The following ATF7IP variants were observed in gnomAD, a reference collection of about 807,000 sequenced individuals.
ATF7IP encodes activating transcription factor 7-interacting protein 1.
Under a neutral mutation model 106.4 loss-of-function variants are expected in ATF7IP, and 23 were observed. The observed-to-expected ratio is 0.22, with a 90% CI of 0.16 to 0.31. The LOEUF is 0.31. ATF7IP is among the 10% of genes least tolerant of loss of function. ATF7IP has a pLI of 1.00. For missense variants in ATF7IP, 1,334 were observed against 1,524.3 expected, an observed-to-expected ratio of 0.88 and a Z score of 2.08; for synonymous variants, 542 against 539.0, an observed-to-expected ratio of 1.01 and a Z score of -0.08.
chr12:14,405,494 G>A (rs1416566939), intron 1 of ATF7IP, among the ~76,000 whole-genome samples: 1 of 127,784 alleles, frequency 7.8e-6, no homozygotes, highest in African/African-American at 2.9e-5. Context: ...GGCTCACTAT[G>A]ACCTTGACCT....
rs538396226 is a variant in ATF7IP at position 14,373,612 on chromosome 12, G to T, written c.-8+7785G>T. On this transcript the variant is annotated intron_variant, in intron 1 of 14. Coordinates refer to ENST00000261168, the MANE Select transcript of ATF7IP (RefSeq NM_018179.5). ...AATCATATGCTTAGCTAAAACTAGAGAATTTTATAAAAGAGAAATGGATAT... is the reference window on the plus strand; with the variant it reads ...AATCATATGCTTAGCTAAAACTAGATAATTTTATAAAAGAGAAATGGATAT... Among the ~76,000 whole-genome samples, 13 of 152,272 alleles carry T rather than the reference G, an allele frequency of 8.5e-5. No homozygotes were observed. In the South Asian group the frequency reaches 1.7e-3, roughly 19 times the overall value.
At chr12:14,383,773 G>A (rs975626254) in intron 1 of ATF7IP, among the ~76,000 whole-genome samples, 5 of 152,104 alleles carry the variant, frequency 3.3e-5, no homozygotes, top group African/African-American at 7.2e-5. Flanking sequence ...TGTTGGCCAC[G>A]CAGGTCTCAA....
intron 1 of ATF7IP, among the ~76,000 whole-genome samples, chr12:14,408,925 C>A (rs1296841063): frequency 6.6e-6 from 1 of 152,042 alleles, no homozygotes; most frequent in Non-Finnish European, 1.5e-5. Context: ...TAATTGTATT[C>A]TATGTGCTCA....
chr12:14,406,358 C>T (rs1198794604), intron 1 of ATF7IP, among the ~76,000 whole-genome samples: 1 of 152,086 alleles, frequency 6.6e-6, no homozygotes, highest in Non-Finnish European at 1.5e-5. Flanking sequence ...CTTAGCCTCC[C>T]AAAGTGCTGG....
rs1421932510 is a variant in ATF7IP, at chr12:14,501,102, T to TG, written c.*3030dup. ...ATTGATAGATGCTTTTTGTTTGGTTTGTTTCTTCTGGGAGAGAATGGAGGA... is the reference window on the plus strand; with the variant it reads ...ATTGATAGATGCTTTTTGTTTGGTTTGGTTTCTTCTGGGAGAGAATGGAGGA... On this transcript the variant is annotated 3_prime_UTR_variant, in exon 15 of 15. Coordinates refer to ENST00000261168, the MANE Select transcript of ATF7IP (RefSeq NM_018179.5). 3 of 152,220 alleles carry TG rather than the reference T, an allele frequency of 2.0e-5. No individual in the cohort carries two copies. Among genetic ancestry groups the TG allele is most frequent in the Non-Finnish European group, 2.9e-5 (2 of 68,018 alleles). 9.4% of individuals were successfully genotyped at this position (152,220 alleles called of 1,614,324 possible). A position where few individuals can be genotyped will look rare whatever the true frequency, so the allele number is the denominator to read the frequency against.
At chr12:14,439,392 A>T (rs917018603) in intron 5 of ATF7IP, among the ~76,000 whole-genome samples, 1 of 152,208 alleles carries the variant, frequency 6.6e-6, no homozygotes, top group African/African-American at 2.4e-5. Context: ...TCCCAGACTG[A>T]CCTATCTAAT....
At chr12:14,392,722 A>G (rs1453359707) in intron 1 of ATF7IP, among the ~76,000 whole-genome samples, 3 of 152,174 alleles carry the variant, frequency 2.0e-5, no homozygotes, top group Non-Finnish European at 2.9e-5. Context: ...GCACTACACA[A>G]AATGTGGCCT....
intron 1 of ATF7IP, among the ~76,000 whole-genome samples, chr12:14,417,396 G>C (rs1941260731): frequency 6.6e-6 from 1 of 151,938 alleles, no homozygotes; most frequent in Admixed American, 6.6e-5. Flanking sequence ...GTAATCCTTT[G>C]GGTCCAGAAT....
intron 2 of ATF7IP, among the ~76,000 whole-genome samples, chr12:14,427,953 T>C (rs1941940790): frequency 6.6e-6 from 1 of 152,144 alleles, no homozygotes. Context: ...ACCTTGGTTA[T>C]AATGCTAAAG....
At chr12:14,383,060 A>C (rs2136414622) in intron 1 of ATF7IP, among the ~76,000 whole-genome samples, 1 of 152,342 alleles carries the variant, frequency 6.6e-6, no homozygotes, top group East Asian at 1.9e-4. Flanking sequence ...CTGTTTCATC[A>C]GACACAGAAA....
At chr12:14,371,004 G>C (rs139948990) in intron 1 of ATF7IP, among the ~76,000 whole-genome samples, 1 of 151,234 alleles carries the variant, frequency 6.6e-6, no homozygotes, top group African/African-American at 2.4e-5. Context: ...TTTTATTTTA[G>C]TTTCCTTGGT....
intron 2 of ATF7IP, among the ~76,000 whole-genome samples, chr12:14,432,919 A>T (rs768756999): frequency 6.6e-6 from 1 of 152,210 alleles, no homozygotes; most frequent in African/African-American, 2.4e-5. Flanking sequence ...CTTATTCCTC[A>T]TTTAATGAGT....
chr12:14,385,336 C>T, intron 1 of ATF7IP: 1 of 1,519,856 alleles, frequency 6.6e-7, no homozygotes, highest in Non-Finnish European at 8.8e-7. Context: ...CTAACCTAGT[C>T]TTTGTAGCTG....
chr12:14,450,610 G>A (rs1026736408), intron 6 of ATF7IP, among the ~76,000 whole-genome samples: 3 of 151,962 alleles, frequency 2.0e-5, no homozygotes, highest in African/African-American at 4.8e-5. Flanking sequence ...AGGGATATTT[G>A]TCTGTAGTTT....
At chr12:14,470,490 CATGTAT>C (rs1320430184) in intron 10 of ATF7IP, among the ~76,000 whole-genome samples, 2 of 152,112 alleles carry the variant, frequency 1.3e-5, no homozygotes, top group Non-Finnish European at 1.5e-5. Context: ...TGTAAAGATA[CATGTAT>C]ATGTATACAT....
intron 2 of ATF7IP, among the ~76,000 whole-genome samples, chr12:14,430,912 A>C (rs181916081): frequency 3.9e-4 from 59 of 152,322 alleles, no homozygotes; most frequent in Admixed American, 1.6e-3. Flanking sequence ...AGGTTGTGTC[A>C]GACAGAGGTC....
At chr12:14,434,484 T>G (rs1942304532) in intron 3 of ATF7IP, 61 bp downstream of exon 3, 1 of 1,058,862 alleles carries the variant, frequency 9.4e-7, no homozygotes, top group Non-Finnish European at 1.4e-6. Flanking sequence ...GTTTCTATAT[T>G]TACAACCGTG....
chr12:14,422,312 T>C (rs1045342261), intron 1 of ATF7IP, among the ~76,000 whole-genome samples: 1 of 142,336 alleles, frequency 7.0e-6, no homozygotes, highest in Non-Finnish European at 1.5e-5. Context: ...AAAAAGAGAA[T>C]ACACACACAC....
rs185019797 is a variant in ATF7IP at position 14,423,102 on chromosome 12, T to A, written c.-7-807T>A. Among the ~76,000 whole-genome samples, 27 of 152,290 alleles carry A rather than the reference T, an allele frequency of 1.8e-4. 1 individual carries two copies. In the East Asian group the frequency reaches 5.2e-3, roughly 29 times the overall value. ...CGTCCTGTCGTGTGTGCAGTGTTAT[T>A]TCATTGTGGTTTTGACTTGCGTTTC... On this transcript the variant is annotated intron_variant, in intron 1 of 14. Coordinates refer to ENST00000261168, the MANE Select transcript of ATF7IP (RefSeq NM_018179.5).
Sources: allele counts gnomAD v4.1 joint callset (sites outside exome capture counted in the v4.1 genomes callset), GRCh38; gene constraint gnomAD v4.1.1; transcripts MANE v1.5; gene names NCBI Gene and HGNC (gene_info 2026-07-23, HGNC 2026-07-21).